DNAH9: variants seen among roughly 807,000 people sequenced by gnomAD.
The protein encoded by DNAH9 is DNAH9 variant protein.
A neutral mutation model predicts 471.6 loss-of-function variants in DNAH9; 345 were observed. The observed-to-expected ratio is 0.73, with a 90% CI of 0.67 to 0.80. DNAH9 has a LOEUF of 0.80. Among genes scored for constraint, DNAH9 ranks in the 30% least tolerant of loss-of-function variants. The pLI is 0.00. For synonymous variants in DNAH9, 2,093 were observed against 2,123.6 expected, an observed-to-expected ratio of 0.99 and a Z score of 0.40; for missense variants, 5,407 against 5,609.2, an observed-to-expected ratio of 0.96 and a Z score of 1.15.
chr17:11,651,106 C>G lies in DNAH9; in HGVS notation c.2135C>G (p.Pro712Arg), dbSNP rs766349315. The change falls in exon 13 of 69, where the codon CCC becomes CGC. Residue 712 changes from proline (P) to arginine (R), a missense_variant. Transcript: ENST00000262442. ...SVLKEMSYLEPREMKHMPETA... is the reference protein window; with the variant it reads ...SVLKEMSYLERREMKHMPETA... ...CTGAAAGAAATGAGCTATCTTGAACCCAGAGAGATGAAACACATGCCTGAG... is the reference window on the plus strand; with the variant it reads ...CTGAAAGAAATGAGCTATCTTGAACGCAGAGAGATGAAACACATGCCTGAG... 2.5e-6 allele frequency: 4 copies of G among 1,614,082 alleles called. No homozygotes were observed. Among genetic ancestry groups the G allele is most frequent in the Non-Finnish European group, 3.4e-6 (4 of 1,180,018 alleles).
chr17:11,791,163 T>G (rs938832554), intron 41 of DNAH9, among the ~76,000 whole-genome samples: 1 of 152,206 alleles, frequency 6.6e-6, no homozygotes, highest in African/African-American at 2.4e-5. Flanking sequence ...CAATTTTAAC[T>G]TGACCAAAAA....
In DNAH9 at chr17:11,686,050, C is replaced by T. The variant is rs181434812; in HGVS notation, c.3744-3516C>T. On this transcript the variant is annotated intron_variant, in intron 19 of 68. Transcript: ENST00000262442. ...CGATTTCCTGACCTCATGATCCACCCGCCTCGGCCTCCAAAAGTGCTGGGA... is the reference window on the plus strand; with the variant it reads ...CGATTTCCTGACCTCATGATCCACCTGCCTCGGCCTCCAAAAGTGCTGGGA... Among the ~76,000 whole-genome samples the T allele has an allele frequency of 1.3e-4, 20 of 152,024 alleles. No individual in the cohort carries two copies. The East Asian group carries it at 1.8e-3, about 13-fold the overall frequency.
chr17:11,768,653 G>A (rs770624470), intron 37 of DNAH9, 27 bp downstream of exon 37: 47 of 1,605,824 alleles, frequency 2.9e-5, no homozygotes, highest in Non-Finnish European at 3.5e-5. Flanking sequence ...AGCCGAGGAC[G>A]TGCGTGCAGT....
chr17:11,855,172 G>C (rs556523754), intron 50 of DNAH9, among the ~76,000 whole-genome samples: 1 of 152,048 alleles, frequency 6.6e-6, no homozygotes, highest in Non-Finnish European at 1.5e-5. Flanking sequence ...AAAGTGCTGG[G>C]ATTACAGGTA....
chr17:11,883,025 C>T (rs1469537879), intron 55 of DNAH9: 1 of 985,754 alleles, frequency 1.0e-6, no homozygotes, highest in Non-Finnish European at 1.2e-6. Context: ...GAAGTTAGTG[C>T]TTTAGGATAT....
At chr17:11,865,290 G>A (rs1245979279) in intron 50 of DNAH9, among the ~76,000 whole-genome samples, 3 of 151,896 alleles carry the variant, frequency 2.0e-5, no homozygotes, top group Non-Finnish European at 1.5e-5. Context: ...GCTTAGTTTG[G>A]CTGGATATGA....
At chr17:11,781,225 A>T (rs1968654906) in intron 39 of DNAH9, 51 bp downstream of exon 39, 2 of 1,563,542 alleles carry the variant, frequency 1.3e-6, no homozygotes, top group Non-Finnish European at 1.7e-6. Context: ...AGCCTAAGGC[A>T]GGGCTGAAGG....
In DNAH9 at chr17:11,874,968, C is replaced by T; in HGVS notation, c.10262C>T (p.Pro3421Leu). The change falls in exon 53 of 69, where the codon CCA (proline) becomes CTA (leucine). Residue 3421 changes from proline (P) to leucine (L), a missense_variant. Coordinates refer to ENST00000262442, the MANE Select transcript of DNAH9 (RefSeq NM_001372.4). ...CACCAGACTCCCATTCCAGTCACCC[C>T]AGCCCTGGATCCCCTGAGGATGCTG... ...SQLKTPIPVT[P>L]ALDPLRMLMD... 2.5e-6 allele frequency: 4 copies of T among 1,613,928 alleles called. No individual in the cohort carries two copies. Among genetic ancestry groups the T allele is most frequent in the Non-Finnish European group, 3.4e-6 (4 of 1,179,922 alleles).
At chr17:11,848,729 G>T (rs1324477138) in intron 49 of DNAH9, among the ~76,000 whole-genome samples, 1 of 152,020 alleles carries the variant, frequency 6.6e-6, no homozygotes, top group Non-Finnish European at 1.5e-5. Context: ...GTAAATTCTG[G>T]GAAATGACTT....
At chr17:11,785,650 T>A (rs148339930) in intron 41 of DNAH9, among the ~76,000 whole-genome samples, 7 of 152,266 alleles carry the variant, frequency 4.6e-5, no homozygotes, top group Non-Finnish European at 1.0e-4. Flanking sequence ...CCAGGCTAGT[T>A]CAGGATACCA....
chr17:11,608,928 C>A (rs553648597), intron 2 of DNAH9, among the ~76,000 whole-genome samples: 1 of 152,260 alleles, frequency 6.6e-6, no homozygotes, highest in Non-Finnish European at 1.5e-5. Flanking sequence ...TTGAATCCAC[C>A]GTCAGCTTCT....
intron 59 of DNAH9, among the ~76,000 whole-genome samples, chr17:11,895,913 G>C (rs1225032925): frequency 6.6e-6 from 1 of 152,196 alleles, no homozygotes; most frequent in Non-Finnish European, 1.5e-5. Flanking sequence ...CTTCAAAGGA[G>C]TCATCTCAGG....
At chr17:11,813,648 T>A (rs1820761639) in intron 45 of DNAH9, among the ~76,000 whole-genome samples, 1 of 152,212 alleles carries the variant, frequency 6.6e-6, no homozygotes, top group Non-Finnish European at 1.5e-5. Flanking sequence ...AACATCTCCC[T>A]TGGAAAACCA....
chr17:11,708,014 CAGAGAGAGAGAG>C (rs34314090), intron 26 of DNAH9, among the ~76,000 whole-genome samples: 10 of 52,208 alleles, frequency 1.9e-4, no homozygotes, highest in South Asian at 9.1e-4. Flanking sequence ...CACACACACA[CAGAGAGAGAGAG>C]AGAGAGAGAG....
intron 14 of DNAH9, 77 bp from the exon 15 acceptor site, chr17:11,664,753 GTTT>G: frequency 8.3e-7 from 1 of 1,209,666 alleles, no homozygotes; most frequent in Non-Finnish European, 1.2e-6. Flanking sequence ...TCCATATGTT[GTTT>G]TTATTTTGAC....
chr17:11,625,555 C>T (rs909039124), intron 6 of DNAH9, among the ~76,000 whole-genome samples: 9 of 152,172 alleles, frequency 5.9e-5, no homozygotes, highest in African/African-American at 2.2e-4. Flanking sequence ...TGTGCTCTCC[C>T]TTAATGAATT....
At chr17:11,963,359 G>A (rs944742269) in intron 68 of DNAH9, among the ~76,000 whole-genome samples, 7 of 151,994 alleles carry the variant, frequency 4.6e-5, no homozygotes, top group East Asian at 1.9e-4. Context: ...GCTTGAACCC[G>A]GGAGGTGGAG....
At chr17:11,918,678 G>A (rs1597825396) in intron 61 of DNAH9, among the ~76,000 whole-genome samples, 1 of 152,124 alleles carries the variant, frequency 6.6e-6, no homozygotes, top group African/African-American at 2.4e-5. Context: ...AGTGAATAGA[G>A]ACAAAGGTTA....
At chr17:11,680,694 A>G (rs751226611) in intron 18 of DNAH9, 29 bp from the exon 19 acceptor site, 2 of 1,610,386 alleles carry the variant, frequency 1.2e-6, no homozygotes, top group East Asian at 2.2e-5. Context: ...CACCTTGGGA[A>G]TCTGACCACA....
Sources: gnomAD v4.1 joint callset for allele counts (sites outside exome capture counted in the v4.1 genomes callset) on GRCh38, gnomAD v4.1.1 for gene constraint, MANE v1.5 for transcripts, NCBI Gene and HGNC (gene_info 2026-07-23, HGNC 2026-07-21) for gene names.